The following KLHL10 variants were observed in gnomAD, a reference collection of about 807,000 sequenced individuals.
KLHL10 encodes the protein kelch-like protein 10.
A neutral mutation model predicts 46.6 loss-of-function variants in KLHL10; 11 were observed. The observed-to-expected ratio is 0.24, with a 90% confidence interval of 0.15 to 0.39. KLHL10 has a LOEUF of 0.39. Ranked by LOEUF, KLHL10 falls within the 10% of genes least tolerant of loss-of-function variation. The probability of loss-of-function intolerance (pLI) is 1.00; values close to 1 mark genes in which losing one functional copy is unlikely to be tolerated. For synonymous variants in KLHL10, 254 were observed against 279.1 expected (o/e 0.91, Z 0.90); for missense variants, 475 against 789.8 (o/e 0.60, Z 4.78).
intron 2 of KLHL10, among the ~76,000 whole-genome samples, chr17:41,843,754 A>C (rs2048251539): frequency 6.6e-6 from 1 of 151,812 alleles, no homozygotes; most frequent in Non-Finnish European, 1.5e-5. Flanking sequence ...AATAGTAAAT[A>C]AATATTTATT....
At chr17:41,836,103 T>G (rs1480308376), upstream of KLHL10, 31 of 1,341,652 alleles carry the variant, frequency 2.3e-5, no homozygotes, top group Non-Finnish European at 3.0e-5. Flanking sequence ...GGTGCCTCGG[T>G]GACCAGCTGG....
upstream of KLHL10, chr17:41,836,220 G>C: frequency 8.1e-7 from 1 of 1,238,586 alleles, no homozygotes; most frequent in Non-Finnish European, 1.0e-6. Context: ...TCGGCGGCTC[G>C]CGGGACAACG....
At chr17:41,847,042 G>C (rs1220114239) in intron 3 of KLHL10, among the ~76,000 whole-genome samples, 2 of 152,152 alleles carry the variant, frequency 1.3e-5, no homozygotes, top group African/African-American at 4.8e-5. Flanking sequence ...TAGAACCCAG[G>C]AGGCGGAGTG....
intron 2 of KLHL10, among the ~76,000 whole-genome samples, chr17:41,844,434 G>A (rs1303241223): frequency 1.3e-5 from 2 of 151,496 alleles, no homozygotes; most frequent in Non-Finnish European, 2.9e-5. Context: ...GTTTCACCAC[G>A]TTGACCAGGC....
chr17:41,838,003 T>C lies in KLHL10; in HGVS notation c.71T>C (p.Met24Thr). The C allele has an allele frequency of 6.2e-7, 1 of 1,614,116 alleles. No homozygotes were observed. Residue 24 changes from methionine (M) to threonine (T), a missense_variant, in exon 1 of 5, where the codon ATG becomes ACG. Coordinates refer to ENST00000293303, the MANE Select transcript of KLHL10 (RefSeq NM_152467.5). ...CACATGGAGAGGAAGATGAGTGCGA[T>C]GGCCTGTGAGATCTTCAACGAGCTT... ...QPHMERKMSAMACEIFNELRL... is the reference protein window; with the variant it reads ...QPHMERKMSATACEIFNELRL...
intron 3 of KLHL10, among the ~76,000 whole-genome samples, chr17:41,846,531 G>A (rs1279089398): frequency 6.7e-6 from 1 of 148,218 alleles, no homozygotes; most frequent in African/African-American, 2.5e-5. Flanking sequence ...GCAAGACTCC[G>A]TCTCCAAAAA....
At chr17:41,845,927 C>T in intron 3 of KLHL10, 184 bp downstream of exon 3, 1 of 819,886 alleles carries the variant, frequency 1.2e-6, no homozygotes. Context: ...AAAAGTAATG[C>T]AAAGCCGGGC....
upstream of KLHL10, among the ~76,000 whole-genome samples, chr17:41,837,233 C>T (rs57672173): frequency 0.77 from 116,632 of 152,146 alleles, 44,983 homozygotes; most frequent in Admixed American, 0.85. Context: ...GGAGCGATCT[C>T]GGCTCACTAC....
intron 3 of KLHL10, 33 bp from the exon 4 acceptor site, chr17:41,847,228 G>A: frequency 6.2e-7 from 1 of 1,608,128 alleles, no homozygotes; most frequent in South Asian, 1.1e-5. Context: ...CCCTAGAGTG[G>A]GAATTTTAAT....
At chr17:41,847,520 T>G (rs1454341516) in intron 4 of KLHL10, 110 bp downstream of exon 4, 6 of 1,361,278 alleles carry the variant, frequency 4.4e-6, no homozygotes, top group Non-Finnish European at 6.2e-6. Context: ...CTTTTTTTTT[T>G]TTTGAGATGG....
chr17:41,837,536 G>C (rs1412191629), upstream of KLHL10: 4 of 1,035,596 alleles, frequency 3.9e-6, no homozygotes, highest in Non-Finnish European at 3.5e-6. Flanking sequence ...AGGGAGCCAA[G>C]TGTTGGGCTG....
At chr17:41,842,420 C>A in intron 2 of KLHL10, 108 bp downstream of exon 2, 1 of 1,340,110 alleles carries the variant, frequency 7.5e-7, no homozygotes, top group Non-Finnish European at 1.1e-6. Context: ...AGATAGAAGG[C>A]ATCTACTATT....
Position 41,837,928 on chromosome 17 carries a change from G to A in KLHL10, c.-5G>A, listed in dbSNP as rs1255542790. 1.9e-6 allele frequency: 3 copies of A among 1,613,454 alleles called. No individual in the cohort carries two copies. The highest frequency in any genetic ancestry group is 2.2e-5 in the East Asian group (1 of 44,886). ...AGCAGCCTCTCTCCGCTGTCCCAGG[G>A]TGCCATGGAGATGGAGAGCGCGGCG... On this transcript the variant is annotated 5_prime_UTR_variant, in exon 1 of 5. The change creates a new upstream start codon in the 5' untranslated region. Transcript: ENST00000293303.
Position 41,845,664 on chromosome 17 carries a change from C to T in KLHL10, c.1223C>T (p.Pro408Leu). ...VRLNTAERYE[P>L]ETNQWTLIAP... is the part of the protein sequence containing the mutation. Reference sequence around the variant, plus strand: ...CTAAACACTGCTGAACGTTATGAGCCAGAGACCAATCAATGGACACTCATC... The same window carrying T: ...CTAAACACTGCTGAACGTTATGAGCTAGAGACCAATCAATGGACACTCATC... Residue 408 changes from proline to leucine, a missense_variant, in exon 3 of 5, where the codon CCA becomes CTA. Coordinates refer to ENST00000293303, the MANE Select transcript of KLHL10 (RefSeq NM_152467.5). The T allele has an allele frequency of 1.2e-6, 2 of 1,611,702 alleles. No individual in the cohort carries two copies. Among genetic ancestry groups the T allele is most frequent in the Non-Finnish European group, 1.7e-6 (2 of 1,178,234 alleles).
At chr17:41,843,383 TA>T (rs1232621193) in intron 2 of KLHL10, among the ~76,000 whole-genome samples, 11 of 151,696 alleles carry the variant, frequency 7.3e-5, no homozygotes, top group Admixed American at 1.3e-4. Flanking sequence ...TGCATGCCTG[TA>T]ATCCCAGCTA....
chr17:41,836,760 A>G (rs1465031462), upstream of KLHL10, among the ~76,000 whole-genome samples: 2 of 152,176 alleles, frequency 1.3e-5, no homozygotes, highest in African/African-American at 2.4e-5. Flanking sequence ...CGGGAGATCC[A>G]GGCTCCAGTA....
In KLHL10 at chr17:41,848,345, GAATT is replaced by G. The variant is rs782599103; in HGVS notation, c.*43_*46del. 1.2e-5 allele frequency: 19 copies of G among 1,588,862 alleles called. No homozygotes were observed. The highest frequency in any genetic ancestry group is 1.9e-4 in the Middle Eastern group (1 of 5,234). On this transcript the variant is annotated 3_prime_UTR_variant, in exon 5 of 5. Coordinates refer to ENST00000293303, the MANE Select transcript of KLHL10 (RefSeq NM_152467.5). ...AGCTAATAAAAAGTCTAAGCAATAA[GAATT>G]AATTCTTTTTTTAAAAAAATGCAGT...
intron 3 of KLHL10, 146 bp from the exon 4 acceptor site, chr17:41,847,111 AAAAT>A (rs1200351335): frequency 9.1e-5 from 64 of 706,316 alleles, no homozygotes; most frequent in Non-Finnish European, 1.4e-4. Flanking sequence ...CTGTCTCTAA[AAAAT>A]AAATAAAAAG....
chr17:41,846,863 C>G (rs2144140271), intron 3 of KLHL10, among the ~76,000 whole-genome samples: 1 of 152,098 alleles, frequency 6.6e-6, no homozygotes, highest in South Asian at 2.1e-4. Flanking sequence ...GCCTGTAATC[C>G]TAGCACTTTG....
Sources: gnomAD v4.1 joint callset for allele counts (sites outside exome capture counted in the v4.1 genomes callset) on GRCh38, gnomAD v4.1.1 for gene constraint, MANE v1.5 for transcripts, NCBI Gene and HGNC (gene_info 2026-07-23, HGNC 2026-07-21) for gene names.